Variants in TUBGCP4 observed in about 807,000 individuals in gnomAD.
TUBGCP4 encodes gamma-tubulin complex component 4.
A neutral mutation model predicts 91.6 loss-of-function variants in TUBGCP4; 54 were observed. The ratio of observed to expected loss-of-function variants is 0.59; its 90% CI spans 0.47 to 0.74. The LOEUF (loss-of-function observed/expected upper bound fraction) is 0.74. Among genes scored for constraint, TUBGCP4 ranks in the 30% least tolerant of loss-of-function variants. TUBGCP4 has a pLI of 0.00. For synonymous variants in TUBGCP4, 297 were observed against 302.8 expected (o/e 0.98, Z 0.20); for missense variants, 593 against 800.9 (o/e 0.74, Z 3.13).
intron 6 of TUBGCP4, among the ~76,000 whole-genome samples, chr15:43,381,568 C>T (rs779035634): frequency 9.2e-5 from 14 of 152,056 alleles, no homozygotes; most frequent in Non-Finnish European, 1.9e-4. Context: ...GAGACCCTGT[C>T]TGTACCAAAA....
At chr15:43,404,218 C>A in intron 16 of TUBGCP4, 195 bp from the exon 17 acceptor site, 1 of 598,132 alleles carries the variant, frequency 1.7e-6, no homozygotes, top group Non-Finnish European at 2.9e-6. Context: ...AGAGTACTTT[C>A]ATAGGAAGTC....
Position 43,409,224 on chromosome 15 carries a change from T to G in TUBGCP4, c.*4010T>G. ...CTACTACCCAAAATGTGATTTAGTC[T>G]ATCCTGCCCAAGGCCACTCTTCTCA... On this transcript the variant is annotated 3_prime_UTR_variant, in exon 18 of 18. Transcript: ENST00000564079. 1.2e-6 allele frequency: 1 copy of G among 809,702 alleles called. No homozygotes were observed. The highest frequency in any genetic ancestry group is 2.0e-6 in the Non-Finnish European group (1 of 503,402). The allele number at this position is 809,702 out of a possible 1,614,324, so 50.2% of individuals were successfully genotyped here. A position where few individuals can be genotyped will look rare whatever the true frequency, so the allele number is the denominator to read the frequency against.
In TUBGCP4 at chr15:43,409,036, A is replaced by G. The variant is rs1452989830; in HGVS notation, c.*3822A>G. On this transcript the variant is annotated 3_prime_UTR_variant, in exon 18 of 18. Coordinates refer to ENST00000564079, the MANE Select transcript of TUBGCP4 (RefSeq NM_014444.5). ...GGAATCCCACTGGCAAGGCACAGGA[A>G]GTACTTCCGGGTTCGACAATGCTGA... 6.2e-7 allele frequency: 1 copy of G among 1,614,236 alleles called. No homozygotes were observed. The highest frequency in any genetic ancestry group is 8.5e-7 in the Non-Finnish European group (1 of 1,180,028).
intron 12 of TUBGCP4, 74 bp downstream of exon 12, chr15:43,397,395 C>A: frequency 9.3e-7 from 1 of 1,079,278 alleles, no homozygotes; most frequent in Non-Finnish European, 1.4e-6. Flanking sequence ...CTTCCATCCC[C>A]CGCCACAGAA....
rs761263164 is a variant in TUBGCP4, at chr15:43,395,103, A to T, written c.1015-4A>T. 3 of 1,614,152 alleles carry T rather than the reference A, an allele frequency of 1.9e-6. No homozygotes were observed. The highest frequency in any genetic ancestry group is 4.5e-5 in the East Asian group (2 of 44,882). On this transcript the variant is annotated splice_polypyrimidine_tract_variant and splice_region_variant and intron_variant, in intron 9 of 17. Transcript: ENST00000564079. ...TGTCCCTGTTTTGTTGGTTGTTTTCATAGCATCTCTGGAAGTTGATGGTAG... is the reference window on the plus strand; with the variant it reads ...TGTCCCTGTTTTGTTGGTTGTTTTCTTAGCATCTCTGGAAGTTGATGGTAG...
chr15:43,398,195 T>C lies in TUBGCP4; in HGVS notation c.1418+16T>C, dbSNP rs1364172652. On this transcript the variant is annotated intron_variant, in intron 13 of 17. Coordinates refer to ENST00000564079, the MANE Select transcript of TUBGCP4 (RefSeq NM_014444.5). ...TCCTGGAAAAGTGAGTATTTCTGAG[T>C]TTCTCACAGGTAAATATGACCCACC... The C allele has an allele frequency of 1.9e-6, 3 of 1,605,334 alleles. No individual in the cohort carries two copies. Among genetic ancestry groups the C allele is most frequent in the Non-Finnish European group, 2.6e-6 (3 of 1,175,060 alleles).
chr15:43,401,511 G>A (rs1595500233), intron 14 of TUBGCP4, among the ~76,000 whole-genome samples: 4 of 151,818 alleles, frequency 2.6e-5, no homozygotes, highest in Admixed American at 2.0e-4. Context: ...CAGCCAGGAC[G>A]TTGGAGGGAG....
At chr15:43,373,867 T>A (rs1042779208) in intron 1 of TUBGCP4, among the ~76,000 whole-genome samples, 1 of 152,102 alleles carries the variant, frequency 6.6e-6, no homozygotes, top group Non-Finnish European at 1.5e-5. Flanking sequence ...TTAGCCAGGA[T>A]GGTCTCGATC....
chr15:43,376,748 G>A, intron 3 of TUBGCP4, 123 bp downstream of exon 3: 2 of 1,370,818 alleles, frequency 1.5e-6, no homozygotes, highest in African/African-American at 1.4e-5. Flanking sequence ...ATGGCTGGAA[G>A]GTACAGTGTT....
chr15:43,376,787 G>C (rs989157139), intron 3 of TUBGCP4, among the ~76,000 whole-genome samples, 162 bp downstream of exon 3: 4 of 152,228 alleles, frequency 2.6e-5, no homozygotes, highest in African/African-American at 9.7e-5. Flanking sequence ...CCTGTGATCA[G>C]AGTGGCTTAC....
Position 43,403,710 on chromosome 15 carries a change from G to C in TUBGCP4, c.1759G>C (p.Asp587His). ...GTTTCACTGCCTGAATGAAATCCTA[G>C]ATCTCTGTCACAGTTTTTGTTCGCT... ...PVFHCLNEIL[D>H]LCHSFCSLVS... The change falls in exon 16 of 18, where the codon GAT (aspartate) becomes CAT (histidine). Residue 587 changes from aspartate to histidine, a missense_variant. Asp to His is a moderately conservative substitution (Grantham distance 81). Coordinates refer to ENST00000564079, the MANE Select transcript of TUBGCP4 (RefSeq NM_014444.5). The C allele has an allele frequency of 6.2e-7, 1 of 1,613,060 alleles. No individual in the cohort carries two copies. The highest frequency in any genetic ancestry group is 8.5e-7 in the Non-Finnish European group (1 of 1,179,916).
Position 43,407,880 on chromosome 15 carries a change from C to G in TUBGCP4, c.*2666C>G. On this transcript the variant is annotated 3_prime_UTR_variant, in exon 18 of 18. Coordinates refer to ENST00000564079, the MANE Select transcript of TUBGCP4 (RefSeq NM_014444.5). Reference sequence around the variant, plus strand: ...AGGCCTGAGCCTTGGACCACAAGGCCTAACACCTACAGGTCTAAGGAGATC... The same window carrying G: ...AGGCCTGAGCCTTGGACCACAAGGCGTAACACCTACAGGTCTAAGGAGATC... The G allele has an allele frequency of 1.3e-6, 2 of 1,523,378 alleles. No homozygotes were observed. Among genetic ancestry groups the G allele is most frequent in the Non-Finnish European group, 1.8e-6 (2 of 1,130,472 alleles). 94.4% of individuals were successfully genotyped at this position (1,523,378 alleles called of 1,614,324 possible).
intron 1 of TUBGCP4, among the ~76,000 whole-genome samples, chr15:43,374,638 C>T (rs1456132101): frequency 6.6e-6 from 1 of 151,984 alleles, no homozygotes; most frequent in Non-Finnish European, 1.5e-5. Context: ...ATATAAAATT[C>T]CCATACAATC....
In TUBGCP4 at chr15:43,403,771, G is replaced by A; in HGVS notation, c.1820G>A (p.Gly607Glu). The A allele has an allele frequency of 2.5e-6, 4 of 1,613,932 alleles. No homozygotes were observed. Among genetic ancestry groups the A allele is most frequent in the Non-Finnish European group, 3.4e-6 (4 of 1,179,966 alleles). Residue 607 changes from glycine to glutamate, a missense_variant, in exon 16 of 18, where the codon GGA becomes GAA. Gly to Glu is a moderately conservative substitution (Grantham distance 98). Coordinates refer to ENST00000564079, the MANE Select transcript of TUBGCP4 (RefSeq NM_014444.5). ...AACCTAGGCCCACTGGATGAGCGTG[G>A]AGCCGCCCAGCTGAGCATTCTCGTG... Reference protein sequence around the residue: ...SQNLGPLDERGAAQLSILVKG... With the variant: ...SQNLGPLDEREAAQLSILVKG...
In TUBGCP4 at chr15:43,371,274, G is replaced by A. The variant is rs1271506519; in HGVS notation, c.-81G>A. On this transcript the variant is annotated 5_prime_UTR_variant, in exon 1 of 18. Transcript: ENST00000564079. Reference sequence around the variant, plus strand: ...CAGGGGCCGGTGCGCGTGTGGAAGGGGAAGCACTCCCCTCGTGGTCGCCTG... The same window carrying A: ...CAGGGGCCGGTGCGCGTGTGGAAGGAGAAGCACTCCCCTCGTGGTCGCCTG... 2.8e-6 allele frequency: 4 copies of A among 1,430,742 alleles called. No homozygotes were observed. The African/African-American group carries it at 5.6e-5, about 20-fold the overall frequency. The allele number at this position is 1,430,742 out of a possible 1,614,324, so 88.6% of individuals were successfully genotyped here. A position where few individuals can be genotyped will look rare whatever the true frequency, so the allele number is the denominator to read the frequency against.
chr15:43,393,933 A>G (rs984154850), intron 9 of TUBGCP4: 23 of 152,118 alleles, frequency 1.5e-4, no homozygotes, highest in African/African-American at 4.8e-4. Flanking sequence ...CATGCCTGTA[A>G]TGACTAATGA....
At chr15:43,404,603 A>G (rs746108017) in intron 17 of TUBGCP4, 51 bp downstream of exon 17, 7 of 1,596,458 alleles carry the variant, frequency 4.4e-6, no homozygotes, top group Non-Finnish European at 4.3e-6. Flanking sequence ...TGGCTTTTTA[A>G]TGAGTTGTAG....
chr15:43,398,117 A>G lies in TUBGCP4; in HGVS notation c.1356A>G (p.Leu452=). 3 of 1,614,102 alleles carry G rather than the reference A, an allele frequency of 1.9e-6. No homozygotes were observed. The highest frequency in any genetic ancestry group is 2.5e-6 in the Non-Finnish European group (3 of 1,179,966). Reference sequence around the variant, plus strand: ...CCCCTGCATCTGGCTGGGCAGCCCTAGGTCTTTCCTACAAAGTACAGTGGC... The same window carrying G: ...CCCCTGCATCTGGCTGGGCAGCCCTGGGTCTTTCCTACAAAGTACAGTGGC... The part of the protein sequence containing the change: ...REAPASGWAA[L]GLSYKVQWPL... The change falls in exon 13 of 18, where the codon CTA becomes CTG. Residue 452 remains leucine, a synonymous_variant. Coordinates refer to ENST00000564079, the MANE Select transcript of TUBGCP4 (RefSeq NM_014444.5).
At chr15:43,388,820 T>C (rs1251569924) in intron 9 of TUBGCP4, among the ~76,000 whole-genome samples, 1 of 152,192 alleles carries the variant, frequency 6.6e-6, no homozygotes, top group African/African-American at 2.4e-5. Flanking sequence ...CCTACAGCAA[T>C]GAAAAGCTGT....
Sources: gnomAD v4.1 joint callset for allele counts (sites outside exome capture counted in the v4.1 genomes callset) on GRCh38, gnomAD v4.1.1 for gene constraint, MANE v1.5 for transcripts, NCBI Gene and HGNC (gene_info 2026-07-23, HGNC 2026-07-21) for gene names.